The following PARD3B variants were observed in gnomAD, a reference collection of about 807,000 sequenced individuals.
PARD3B encodes partitioning defective 3 homolog B.
A neutral mutation model predicts 130.2 loss-of-function variants in PARD3B; 103 were observed. The observed-to-expected ratio is 0.79, with a 90% CI of 0.67 to 0.93. PARD3B has a LOEUF of 0.93. Among genes scored for constraint, PARD3B ranks in the 40% least tolerant of loss-of-function variants. The pLI is 0.00. For missense variants in PARD3B, 1,609 were observed against 1,499.2 expected, an observed-to-expected ratio of 1.07 and a Z score of -1.21; for synonymous variants, 583 against 553.2, an observed-to-expected ratio of 1.05 and a Z score of -0.76.
At chr2:205,163,302 T>C (rs937302727) in intron 11 of PARD3B, among the ~76,000 whole-genome samples, 3 of 152,222 alleles carry the variant, frequency 2.0e-5, no homozygotes, top group African/African-American at 7.2e-5. Context: ...AGAGAATACA[T>C]TTAAGACTAT....
At chr2:205,094,093 A>G (rs924366967) in intron 4 of PARD3B, among the ~76,000 whole-genome samples, 3 of 152,122 alleles carry the variant, frequency 2.0e-5, no homozygotes, top group African/African-American at 4.8e-5. Flanking sequence ...CCTTCTTCAC[A>G]TAAGTCATGG....
At chr2:205,578,756 A>G (rs2053856793) in intron 22 of PARD3B, among the ~76,000 whole-genome samples, 1 of 152,212 alleles carries the variant, frequency 6.6e-6, no homozygotes, top group South Asian at 2.1e-4. Flanking sequence ...AATCTATGTC[A>G]TTATTATATA....
At chr2:205,497,135 G>T (rs1264645156) in intron 20 of PARD3B, among the ~76,000 whole-genome samples, 1 of 139,446 alleles carries the variant, frequency 7.2e-6, no homozygotes, top group African/African-American at 2.7e-5. Context: ...AGTGCTCAAA[G>T]AAAACTTTTT....
intron 19 of PARD3B, among the ~76,000 whole-genome samples, chr2:205,429,170 A>C (rs1574998501): frequency 6.6e-6 from 1 of 152,324 alleles, no homozygotes; most frequent in East Asian, 1.9e-4. Flanking sequence ...ATTATATATT[A>C]TGGACTTACA....
Position 204,677,261 on chromosome 2 carries a change from T to C in PARD3B, c.121-8920T>C, listed in dbSNP as rs374502042. On this transcript the variant is annotated intron_variant, in intron 1 of 22. Transcript: ENST00000406610. This position sits in a 1 kb window ranked among gnomAD's most constrained non-coding sequence, Gnocchi z 4.1. ...GGTGCTCAACTGAAAAGACAATGAA[T>C]ACTCCAAGTCTAGATTAAAAACAGG... Among the ~76,000 whole-genome samples, 68 of 152,330 alleles carry C rather than the reference T, an allele frequency of 4.5e-4. 1 individual carries two copies. The South Asian group carries it at 0.014, about 31-fold the overall frequency.
chr2:205,153,429 A>T (rs970680356), intron 10 of PARD3B, among the ~76,000 whole-genome samples: 7 of 152,234 alleles, frequency 4.6e-5, no homozygotes, highest in African/African-American at 1.7e-4. Flanking sequence ...TTCCATGCTC[A>T]TGGATAGGAA....
intron 10 of PARD3B, among the ~76,000 whole-genome samples, chr2:205,156,799 G>C (rs2034200353): frequency 1.3e-5 from 2 of 152,032 alleles, no homozygotes; most frequent in Admixed American, 6.6e-5. Flanking sequence ...TTGTATTCTT[G>C]AATCTCAGAT....
chr2:204,934,256 A>G (rs186206995), intron 2 of PARD3B, among the ~76,000 whole-genome samples: 3 of 152,348 alleles, frequency 2.0e-5, no homozygotes, highest in African/African-American at 7.2e-5. Flanking sequence ...AAGGGAACAG[A>G]TACACTCTGA....
At chr2:205,433,219 C>CT (rs1171734050) in intron 19 of PARD3B, among the ~76,000 whole-genome samples, 1 of 151,986 alleles carries the variant, frequency 6.6e-6, no homozygotes, top group African/African-American at 2.4e-5. Flanking sequence ...TTTGCCTTTT[C>CT]TTTTTGTGTT....
chr2:204,851,029 T>C (rs2125605922), intron 2 of PARD3B, among the ~76,000 whole-genome samples: 1 of 152,306 alleles, frequency 6.6e-6, no homozygotes, highest in African/African-American at 2.4e-5. Flanking sequence ...AGAAGTTTTC[T>C]TAAAGTGGGG....
chr2:204,728,972 A>AT lies in PARD3B; in HGVS notation c.222+42694dup, dbSNP rs919215817. On this transcript the variant is annotated intron_variant, in intron 2 of 22. Coordinates refer to ENST00000406610, the MANE Select transcript of PARD3B (RefSeq NM_001302769.2). Reference sequence around the variant, plus strand: ...ACATTACTCTTAAAGAGAAAGAAAGATTTTCATTCTCCATTATTTCAGAAC... The same window carrying AT: ...ACATTACTCTTAAAGAGAAAGAAAGATTTTTCATTCTCCATTATTTCAGAAC... Among the ~76,000 whole-genome samples the AT allele has an allele frequency of 2.6e-4, 40 of 152,108 alleles. 1 individual carries two copies. Among genetic ancestry groups the AT allele is most frequent in the African/African-American group, 9.7e-4 (40 of 41,428 alleles).
At chr2:205,474,323 A>T (rs1367353419) in intron 20 of PARD3B, among the ~76,000 whole-genome samples, 1 of 152,032 alleles carries the variant, frequency 6.6e-6, no homozygotes, top group Non-Finnish European at 1.5e-5. Context: ...ATTTTCATCC[A>T]GTGTTTCTTC....
chr2:204,620,344 G>A (rs1226959372), intron 1 of PARD3B, among the ~76,000 whole-genome samples: 1 of 151,944 alleles, frequency 6.6e-6, no homozygotes, highest in Non-Finnish European at 1.5e-5. Flanking sequence ...CACCTCACCC[G>A]GCCCATGAAC....
intron 2 of PARD3B, among the ~76,000 whole-genome samples, chr2:204,831,961 G>A (rs971986183): frequency 1.3e-5 from 2 of 152,184 alleles, no homozygotes; most frequent in East Asian, 1.9e-4. Context: ...AGATATCCAC[G>A]CCTGTAATCC....
chr2:204,692,233 G>T (rs923073794), intron 2 of PARD3B, among the ~76,000 whole-genome samples: 4 of 152,080 alleles, frequency 2.6e-5, no homozygotes, highest in Non-Finnish European at 4.4e-5. Context: ...ACAGACTCAG[G>T]CATGGAGAAT....
chr2:205,258,603 A>G lies in PARD3B; in HGVS notation c.2185+12781A>G, dbSNP rs2040186976. 6.6e-6 allele frequency among the ~76,000 whole-genome samples: 1 copy of G among 152,184 alleles called. No homozygotes were observed. The highest frequency in any genetic ancestry group is 1.5e-5 in the Non-Finnish European group (1 of 68,026). On this transcript the variant is annotated intron_variant, in intron 16 of 22. Transcript: ENST00000406610. This position sits in a 1 kb window ranked among gnomAD's most constrained non-coding sequence, Gnocchi z 4.9. ...ATGAAGGCAGAGACTTTGTATCCCC[A>G]GTTCCAAAAGCAGTGTGTGGCACAC...
Position 205,591,371 on chromosome 2 carries a change from G to A in PARD3B, c.3261-24085G>A, listed in dbSNP as rs1022977931. ...CATATTTGAATATTTGAAAGACTGAGAAAAGCACATGAGAAGTTATGGAAT... is the reference window on the plus strand; with the variant it reads ...CATATTTGAATATTTGAAAGACTGAAAAAAGCACATGAGAAGTTATGGAAT... On this transcript the variant is annotated intron_variant, in intron 22 of 22. Transcript: ENST00000406610. The surrounding 1 kb of genome is among the most constrained non-coding windows in gnomAD (Gnocchi z 4.2). 5.3e-5 allele frequency among the ~76,000 whole-genome samples: 8 copies of A among 152,282 alleles called. No homozygotes were observed. The highest frequency in any genetic ancestry group is 1.9e-4 in the African/African-American group (8 of 41,566).
At chr2:205,513,168 T>A (rs1380112166) in intron 21 of PARD3B, among the ~76,000 whole-genome samples, 1 of 152,088 alleles carries the variant, frequency 6.6e-6, no homozygotes, top group African/African-American at 2.4e-5. Flanking sequence ...ACAATTAATG[T>A]GAATGATAGC....
intron 21 of PARD3B, among the ~76,000 whole-genome samples, chr2:205,552,315 G>GC (rs35505254): frequency 0.43 from 66,001 of 151,918 alleles, 14,898 homozygotes; most frequent in East Asian, 0.58. Context: ...GTGGTCGGGG[G>GC]GCATCATGGA....
Sources: allele counts gnomAD v4.1 joint callset (sites outside exome capture counted in the v4.1 genomes callset), GRCh38; gene constraint gnomAD v4.1.1; non-coding constraint Gnocchi (gnomAD v3.1); transcripts MANE v1.5; gene names NCBI Gene and HGNC (gene_info 2026-07-23, HGNC 2026-07-21).